Variants in PRKACB observed in about 807,000 individuals in gnomAD.
The protein encoded by PRKACB is cAMP-dependent protein kinase catalytic subunit beta.
Under a neutral mutation model 51.4 loss-of-function variants are expected in PRKACB, and 16 were observed. That is an observed-to-expected ratio of 0.31 (90% CI 0.21 to 0.47). PRKACB has a LOEUF of 0.47. Ranked by LOEUF, PRKACB falls within the 20% of genes least tolerant of loss-of-function variation. PRKACB has a pLI of 1.00. For synonymous variants in PRKACB, 147 were observed against 154.4 expected (o/e 0.95, Z 0.35); for missense variants, 309 against 464.5 (o/e 0.67, Z 3.08).
chr1:84,216,334 G>A (rs943822406), intron 9 of PRKACB, among the ~76,000 whole-genome samples: 30 of 151,726 alleles, frequency 2.0e-4, no homozygotes, highest in Admixed American at 1.1e-3. Context: ...ACAAGACCCC[G>A]TCTCAAAGAA....
intron 1 of PRKACB, among the ~76,000 whole-genome samples, chr1:84,162,778 C>G (rs1366716689): frequency 6.6e-6 from 1 of 151,848 alleles, no homozygotes; most frequent in Non-Finnish European, 1.5e-5. Context: ...CCTTTGTCTG[C>G]TAAATTCTAC....
chr1:84,204,425 C>G, intron 8 of PRKACB: 1 of 1,331,504 alleles, frequency 7.5e-7, no homozygotes, highest in Non-Finnish European at 1.1e-6. Context: ...GTTCTTCTTA[C>G]ATTTGTAGAT....
chr1:84,204,179 A>T (rs980338740), intron 8 of PRKACB, among the ~76,000 whole-genome samples: 1 of 151,948 alleles, frequency 6.6e-6, no homozygotes, highest in African/African-American at 2.4e-5. Flanking sequence ...TACCTGGGTC[A>T]TGAGATTTTC....
intron 1 of PRKACB, among the ~76,000 whole-genome samples, chr1:84,093,264 T>G (rs1054912321): frequency 2.0e-5 from 3 of 146,548 alleles, no homozygotes; most frequent in African/African-American, 7.4e-5. Flanking sequence ...GAATCAAGTG[T>G]GTGCATCTCT....
rs1000200159 is a variant in PRKACB at position 84,236,058 on chromosome 1, G to A, written c.*753G>A. The A allele has an allele frequency of 6.6e-6, 1 of 152,548 alleles. No individual in the cohort carries two copies. 9.4% of individuals were successfully genotyped at this position (152,548 alleles called of 1,614,324 possible). On this transcript the variant is annotated 3_prime_UTR_variant, in exon 10 of 10. Coordinates refer to ENST00000370685, the MANE Select transcript of PRKACB (RefSeq NM_182948.4). ...ATTCAGCAGGAAAAACTAATGATAT[G>A]GATCATCACCCAGATTCTCTCACTT...
At chr1:84,173,499 T>C in intron 1 of PRKACB, 1 of 694,172 alleles carries the variant, frequency 1.4e-6, no homozygotes, top group South Asian at 1.9e-5. Flanking sequence ...TGTGTGTGTA[T>C]GTGGGGAGGG....
At chr1:84,203,519 A>ATTGAC (rs1182262991) in intron 8 of PRKACB, among the ~76,000 whole-genome samples, 1 of 151,934 alleles carries the variant, frequency 6.6e-6, no homozygotes, top group Non-Finnish European at 1.5e-5. Context: ...TCTTTTTTTA[A>ATTGAC]AAGACCATTG....
chr1:84,152,495 AAT>A (rs1654965837), intron 1 of PRKACB, among the ~76,000 whole-genome samples: 1 of 152,152 alleles, frequency 6.6e-6, no homozygotes, highest in South Asian at 2.1e-4. Context: ...CTGCATTGAA[AAT>A]CTGTTGTTTA....
chr1:84,169,067 C>T (rs1351658362), intron 1 of PRKACB, among the ~76,000 whole-genome samples: 2 of 151,532 alleles, frequency 1.3e-5, no homozygotes, highest in Non-Finnish European at 3.0e-5. Context: ...AAACCACTTA[C>T]CTTATTTGGG....
At chr1:84,217,105 A>G (rs1046158139) in intron 9 of PRKACB, among the ~76,000 whole-genome samples, 1 of 152,180 alleles carries the variant, frequency 6.6e-6, no homozygotes, top group African/African-American at 2.4e-5. Flanking sequence ...ACCTCTCTAA[A>G]GCATCAGTTT....
chr1:84,175,648 G>A, intron 1 of PRKACB: 1 of 602,518 alleles, frequency 1.7e-6, no homozygotes, highest in Non-Finnish European at 2.8e-6. Flanking sequence ...TATGTTCTAT[G>A]TATAAATACA....
intron 1 of PRKACB, among the ~76,000 whole-genome samples, chr1:84,086,780 A>AG (rs1194390470): frequency 6.6e-6 from 1 of 152,150 alleles, no homozygotes; most frequent in Non-Finnish European, 1.5e-5. Flanking sequence ...CTCACCCCTC[A>AG]GGGAGCCCCC....
At chr1:84,092,778 T>G (rs979626148) in intron 1 of PRKACB, among the ~76,000 whole-genome samples, 1 of 152,122 alleles carries the variant, frequency 6.6e-6, no homozygotes, top group Non-Finnish European at 1.5e-5. Flanking sequence ...TTATACCTAT[T>G]CTGGTAAACA....
intron 9 of PRKACB, 52 bp from the exon 10 acceptor site, chr1:84,235,128 C>G: frequency 6.4e-7 from 1 of 1,557,260 alleles, no homozygotes; most frequent in Non-Finnish European, 8.7e-7. Context: ...TTTGGAAACT[C>G]TCAGGAATTT....
chr1:84,102,821 G>T (rs1466958499), intron 1 of PRKACB, among the ~76,000 whole-genome samples: 2 of 152,128 alleles, frequency 1.3e-5, no homozygotes, highest in Non-Finnish European at 2.9e-5. Context: ...CTACTCTCAG[G>T]ACTAATCAAG....
chr1:84,144,545 T>A lies in PRKACB; in HGVS notation c.184T>A (p.Ser62Thr). The stretch of plus-strand genomic sequence containing the variant: ...TGAACATACTGCCTTATGGGACAGA[T>A]CAAGTAAGTTTTGTTTTTTAAATGA... ...FSEHTALWDR[S>T]MKEFLAKAKE... Residue 62 changes from serine (S) to threonine (T), a missense_variant, in exon 1 of 10, where the codon TCA (serine) becomes ACA (threonine). By Grantham distance (58) the Ser-to-Thr change is moderately conservative. Around this residue, in one of 3 missense-constraint regions of PRKACB, gnomAD observed 153 missense variants for 190.2 expected, o/e 0.80. Coordinates refer to ENST00000370685, the MANE Select transcript of PRKACB (RefSeq NM_182948.4). 6.4e-7 allele frequency: 1 copy of A among 1,561,648 alleles called. No individual in the cohort carries two copies. Among genetic ancestry groups the A allele is most frequent in the South Asian group, 1.2e-5 (1 of 82,158 alleles).
At chr1:84,233,021 C>T (rs1025844397) in intron 9 of PRKACB, among the ~76,000 whole-genome samples, 5 of 151,700 alleles carry the variant, frequency 3.3e-5, no homozygotes, top group Admixed American at 2.6e-4. Context: ...ATGGTCTTTA[C>T]ATTTTGGCAT....
intron 1 of PRKACB, among the ~76,000 whole-genome samples, chr1:84,128,788 T>A (rs1164626936): frequency 6.6e-6 from 1 of 152,162 alleles, no homozygotes; most frequent in Non-Finnish European, 1.5e-5. Flanking sequence ...CTGTCAGCAT[T>A]ATGTGTGTTC....
At chr1:84,114,671 C>T (rs1650491100) in intron 1 of PRKACB, among the ~76,000 whole-genome samples, 1 of 152,042 alleles carries the variant, frequency 6.6e-6, no homozygotes, top group Non-Finnish European at 1.5e-5. Context: ...TCAGCCTCAC[C>T]GTCCCCCTCC....
Sources: allele counts gnomAD v4.1 joint callset (sites outside exome capture counted in the v4.1 genomes callset), GRCh38; gene constraint gnomAD v4.1.1; regional missense constraint gnomAD v4.1.1; transcripts MANE v1.5; gene names NCBI Gene and HGNC (gene_info 2026-07-23, HGNC 2026-07-21).